The following GNAQ variants were observed in gnomAD, a reference collection of about 807,000 sequenced individuals.
GNAQ encodes guanine nucleotide-binding protein G(q) subunit alpha.
In GNAQ, 8 loss-of-function variants were observed where a neutral mutation model predicts 43.9. That is an observed-to-expected ratio of 0.18 (90% CI 0.11 to 0.33). The LOEUF (loss-of-function observed/expected upper bound fraction) is 0.33, where lower values mean the gene tolerates loss of function less well. GNAQ is among the 10% of genes least tolerant of loss of function. GNAQ has a pLI of 1.00. For missense variants in GNAQ, 158 were observed against 450.8 expected (o/e 0.35, Z 5.88); for synonymous variants, 155 against 170.7 (o/e 0.91, Z 0.71).
intron 2 of GNAQ, among the ~76,000 whole-genome samples, chr9:77,862,687 G>T (rs764050795): frequency 6.6e-6 from 1 of 152,166 alleles, no homozygotes; most frequent in Non-Finnish European, 1.5e-5. Flanking sequence ...TTTCCCTATT[G>T]TCTTGGGGAT....
chr9:77,793,731 C>T (rs1204610167), intron 5 of GNAQ, among the ~76,000 whole-genome samples: 1 of 152,000 alleles, frequency 6.6e-6, no homozygotes, highest in Admixed American at 6.6e-5. Context: ...ACAACTACAG[C>T]TCAGAAGTAC....
At chr9:77,982,802 G>A (rs1386777440) in intron 1 of GNAQ, among the ~76,000 whole-genome samples, 3 of 151,600 alleles carry the variant, frequency 2.0e-5, no homozygotes, top group Non-Finnish European at 4.4e-5. Flanking sequence ...GTCGTGGAGT[G>A]GGGAGAGGGG....
chr9:77,739,921 A>C (rs1825628771), intron 5 of GNAQ, among the ~76,000 whole-genome samples: 1 of 152,228 alleles, frequency 6.6e-6, no homozygotes, highest in African/African-American at 2.4e-5. Flanking sequence ...GCTAAGAAAC[A>C]CTAAATACCT....
At chr9:77,964,284 T>C (rs920691764) in intron 1 of GNAQ, among the ~76,000 whole-genome samples, 6 of 152,080 alleles carry the variant, frequency 3.9e-5, no homozygotes, top group African/African-American at 1.4e-4. Context: ...CAAACAATGA[T>C]GGAACTGCAG....
chr9:78,024,816 T>C (rs1362314393), intron 1 of GNAQ, among the ~76,000 whole-genome samples: 1 of 152,196 alleles, frequency 6.6e-6, no homozygotes, highest in Non-Finnish European at 1.5e-5. Flanking sequence ...CATGAAACTG[T>C]TCCTTCTTAA....
At chr9:78,000,855 T>C (rs889930770) in intron 1 of GNAQ, among the ~76,000 whole-genome samples, 1 of 152,168 alleles carries the variant, frequency 6.6e-6, no homozygotes, top group Non-Finnish European at 1.5e-5. Context: ...AAAAAATGTT[T>C]AAAAGTATGT....
intron 1 of GNAQ, among the ~76,000 whole-genome samples, chr9:78,007,417 G>A (rs1285775357): frequency 6.7e-6 from 1 of 148,654 alleles, no homozygotes; most frequent in African/African-American, 2.5e-5. Flanking sequence ...GCTCAAGCAA[G>A]CCACCCACTA....
chr9:77,977,185 G>C (rs531857942), intron 1 of GNAQ, among the ~76,000 whole-genome samples: 2 of 152,222 alleles, frequency 1.3e-5, no homozygotes, highest in East Asian at 3.9e-4. Context: ...TCCTAAGGCA[G>C]AGCGCTTCCT....
At chr9:77,862,317 C>G (rs1827868011) in intron 2 of GNAQ, among the ~76,000 whole-genome samples, 1 of 152,160 alleles carries the variant, frequency 6.6e-6, no homozygotes, top group Non-Finnish European at 1.5e-5. Flanking sequence ...GAGAGGTTCT[C>G]CATGAGGGCC....
chr9:77,920,652 G>A lies in GNAQ; in HGVS notation c.321+1509C>T, dbSNP rs144995717. ...AGATATATCCATGCAGCTTACTCTG[G>A]CTCAATTACCATGTTCCTGGGCTCA... On this transcript the variant is annotated intron_variant, in intron 2 of 6. Transcript: ENST00000286548. Among the ~76,000 whole-genome samples, 1,149 of 152,188 alleles carry A rather than the reference G, an allele frequency of 7.5e-3. 18 individuals are homozygous for A. Among genetic ancestry groups the A allele is most frequent in the African/African-American group, 0.026 (1,099 of 41,514 alleles).
At chr9:77,908,818 T>C (rs376723708) in intron 2 of GNAQ, among the ~76,000 whole-genome samples, 2 of 152,156 alleles carry the variant, frequency 1.3e-5, no homozygotes, top group East Asian at 1.9e-4. Context: ...CATCAGCTTG[T>C]GAGGAAAGCA....
intron 5 of GNAQ, among the ~76,000 whole-genome samples, chr9:77,748,499 G>A (rs1825764442): frequency 6.6e-6 from 1 of 152,230 alleles, no homozygotes; most frequent in Admixed American, 6.5e-5. Flanking sequence ...AAGCACTACA[G>A]TAAATGTGGG....
chr9:77,864,706 G>C (rs1253779190), intron 2 of GNAQ, among the ~76,000 whole-genome samples: 3 of 152,192 alleles, frequency 2.0e-5, no homozygotes, highest in Admixed American at 6.5e-5. Flanking sequence ...AGTAAGACCA[G>C]TTCATACTTC....
chr9:77,858,563 A>G (rs957389341), intron 2 of GNAQ, among the ~76,000 whole-genome samples: 4 of 152,070 alleles, frequency 2.6e-5, no homozygotes, highest in African/African-American at 7.2e-5. Context: ...CCAAAAGCCT[A>G]CGTGTGGCTT....
intron 1 of GNAQ, among the ~76,000 whole-genome samples, chr9:77,922,855 C>A: frequency 6.6e-6 from 1 of 151,964 alleles, no homozygotes; most frequent in Non-Finnish European, 1.5e-5. Flanking sequence ...TTAGACACAG[C>A]GTCTTGCTCT....
chr9:77,853,075 A>C (rs1827696066), intron 2 of GNAQ, among the ~76,000 whole-genome samples: 1 of 152,244 alleles, frequency 6.6e-6, no homozygotes, highest in African/African-American at 2.4e-5. Context: ...GAAAAGAGAC[A>C]GATAAAAGTG....
chr9:77,969,313 C>T (rs1487963703), intron 1 of GNAQ, among the ~76,000 whole-genome samples: 2 of 152,174 alleles, frequency 1.3e-5, no homozygotes, highest in African/African-American at 4.8e-5. Context: ...TACCATCCAG[C>T]GCCCTAAAGC....
chr9:77,842,726 C>T (rs1369330324), intron 2 of GNAQ, among the ~76,000 whole-genome samples: 1 of 152,082 alleles, frequency 6.6e-6, no homozygotes, highest in African/African-American at 2.4e-5. Flanking sequence ...GCATCAGGGA[C>T]CTCCAGGCAT....
chr9:77,950,088 T>C (rs1822956860), intron 1 of GNAQ, among the ~76,000 whole-genome samples: 1 of 152,182 alleles, frequency 6.6e-6, no homozygotes. Context: ...AAACTTATCA[T>C]ATCTGGGTTA....
Sources: allele counts gnomAD v4.1 joint callset (sites outside exome capture counted in the v4.1 genomes callset), GRCh38; gene constraint gnomAD v4.1.1; transcripts MANE v1.5; gene names NCBI Gene and HGNC (gene_info 2026-07-23, HGNC 2026-07-21).